Variants in NEB observed in about 807,000 individuals in gnomAD.
NEB encodes the protein nebulin.
NEB carries 512 observed loss-of-function variants against 952.2 expected under a neutral mutation model. That is an observed-to-expected ratio of 0.54 (90% CI 0.50 to 0.58). NEB has a LOEUF of 0.58. Ranked by LOEUF, NEB falls within the 20% of genes least tolerant of loss-of-function variation. The probability of loss-of-function intolerance (pLI) is 0.00; values close to 1 mark genes in which losing one functional copy is unlikely to be tolerated. For missense variants in NEB, 8,428 were observed against 9,231.1 expected (o/e 0.91, Z 3.56); for synonymous variants, 2,900 against 3,149.8 (o/e 0.92, Z 2.66).
rs2099314446 is a variant in NEB, at chr2:151,672,652, G to A, written c.4016C>T (p.Ser1339Leu). 1 of 1,613,720 alleles carries A rather than the reference G, an allele frequency of 6.2e-7. No homozygotes were observed. Among genetic ancestry groups the A allele is most frequent in the Non-Finnish European group, 8.5e-7 (1 of 1,179,744 alleles). ...DYKYKEAYEK[S>L]KGKHVGFRSL... is the part of the protein sequence containing the mutation. Reference sequence around the variant, plus strand: ...TCTGAAACCCACATGCTTTCCCTTTGACTTCTCATAAGCTTCCTTGTATTT... The same window carrying A: ...TCTGAAACCCACATGCTTTCCCTTTAACTTCTCATAAGCTTCCTTGTATTT... Residue 1339 changes from serine to leucine, a missense_variant, in exon 37 of 182, where the codon TCA becomes TTA. Coordinates refer to ENST00000397345, the MANE Select transcript of NEB (RefSeq NM_001164508.2).
At chr2:151,526,865 TG>T in intron 148 of NEB, 52 bp downstream of exon 148, 1 of 1,255,290 alleles carries the variant, frequency 8.0e-7, no homozygotes, top group South Asian at 1.3e-5. Context: ...GACTGTACCA[TG>T]GAAGATGGCC....
chr2:151,704,055 T>C (rs2099689318), intron 13 of NEB, among the ~76,000 whole-genome samples: 3 of 89,082 alleles, frequency 3.4e-5, no homozygotes, highest in African/African-American at 1.3e-4. Context: ...ATGTCCTTTC[T>C]GTTTGTTAGT....
intron 34 of NEB, among the ~76,000 whole-genome samples, chr2:151,677,316 T>C (rs1464126579): frequency 6.6e-6 from 1 of 152,176 alleles, no homozygotes; most frequent in African/African-American, 2.4e-5. Flanking sequence ...CCATGTCAAG[T>C]TTATTCAATA....
chr2:151,708,783 T>C (rs567345506), intron 12 of NEB, among the ~76,000 whole-genome samples: 1 of 152,300 alleles, frequency 6.6e-6, no homozygotes, highest in African/African-American at 2.4e-5. Context: ...AATTACCAAC[T>C]TCTTCCATAG....
Position 151,719,886 on chromosome 2 carries a change from CA to C in NEB, c.718-2367del, listed in dbSNP as rs34116466. The stretch of plus-strand genomic sequence containing the variant: ...TGGGTGAGAGAGTGAGACCCTGTCT[CA>C]AAAAAAAAAAAAAAAAAATACAAAC... On this transcript the variant is annotated intron_variant, in intron 9 of 181. Transcript: ENST00000397345. 6.6e-3 allele frequency among the ~76,000 whole-genome samples: 688 copies of C among 103,596 alleles called. 7 individuals carry two copies. The highest frequency in any genetic ancestry group is 0.024 in the African/African-American group (598 of 24,908). The allele number at this position is 103,596 out of a possible 152,430, so 68.0% of individuals were successfully genotyped here.
chr2:151,654,051 G>T lies in NEB; in HGVS notation c.6856C>A (p.Leu2286Ile). 3 of 1,611,668 alleles carry T rather than the reference G, an allele frequency of 1.9e-6. No individual in the cohort carries two copies. Among genetic ancestry groups the T allele is most frequent in the Non-Finnish European group, 2.5e-6 (3 of 1,178,720 alleles). Residue 2286 changes from leucine to isoleucine, a missense_variant, in exon 52 of 182, where the codon CTC becomes ATC. Physicochemically the swap from Leu to Ile is conservative, Grantham distance 5 (BLOSUM62 2). This residue lies in a region of NEB where 2,851 missense variants were observed against 2,791.5 expected (regional missense o/e 1.02). Transcript: ENST00000397345. ...WEEALKKGYD[L>I]PVDAISVQLA... ...TGTACAGAAATTGCATCAACTGGGA[G>T]ATCATAGCCTTTCTTCAAAGCTTCT...
At chr2:151,491,645 G>T in intron 179 of NEB, 38 bp downstream of exon 179, 2 of 1,443,434 alleles carry the variant, frequency 1.4e-6, no homozygotes, top group South Asian at 1.2e-5. Flanking sequence ...ATACTAAATG[G>T]TGATGTTTAT....
At chr2:151,698,976 G>A (rs1212346364) in intron 13 of NEB, among the ~76,000 whole-genome samples, 145 of 136,846 alleles carry the variant, frequency 1.1e-3, no homozygotes, top group African/African-American at 3.6e-3. Context: ...CCACTAACTC[G>A]TCATCTAGCA....
At position 151,628,347 on chromosome 2, in the gene NEB, C is replaced by T. The variant is rs115575948; in HGVS notation, c.9832-513G>A. ...GGGGCACTTGACTCCCTGAAGTGGT[C>T]TGGATTATATTCCCATACTACAAGC... On this transcript the variant is annotated intron_variant, in intron 68 of 181. Coordinates refer to ENST00000397345, the MANE Select transcript of NEB (RefSeq NM_001164508.2). 4.1e-3 allele frequency among the ~76,000 whole-genome samples: 626 copies of T among 152,272 alleles called. 2 individuals carry two copies. Among genetic ancestry groups the T allele is most frequent in the Middle Eastern group, 0.02 (6 of 294 alleles).
chr2:151,685,109 G>T, intron 27 of NEB, 134 bp from the exon 28 acceptor site: 1 of 901,534 alleles, frequency 1.1e-6, no homozygotes, highest in Non-Finnish European at 1.7e-6. Flanking sequence ...GCCCAAAAAT[G>T]TGTTCATATG....
chr2:151,564,511 A>C (rs910872425), intron 117 of NEB, among the ~76,000 whole-genome samples: 3 of 152,224 alleles, frequency 2.0e-5, no homozygotes, highest in African/African-American at 7.2e-5. Context: ...AGTGACAACA[A>C]ATTTGCACAC....
chr2:151,691,573 T>C (rs573926640), intron 23 of NEB, among the ~76,000 whole-genome samples: 2 of 152,306 alleles, frequency 1.3e-5, no homozygotes, highest in African/African-American at 4.8e-5. Flanking sequence ...TCACATAGAA[T>C]TTGTTAAATA....
Position 151,643,281 on chromosome 2 carries a change from T to C in NEB, c.8029A>G (p.Lys2677Glu). The change falls in exon 58 of 182, where the codon AAA becomes GAA. Residue 2677 changes from lysine (K) to glutamate (E), a missense_variant. Physicochemically the swap from Lys to Glu is moderately conservative, Grantham distance 56. Transcript: ENST00000397345. ...AAAATCTGGGTGGCTCGTTTATTTT[T>C]CTCATCCTCGAGAGAACCACTAGTC... ...WMTSGSLEDE[K>E]NKRATQILSD... 1 of 1,613,958 alleles carries C rather than the reference T, an allele frequency of 6.2e-7. No homozygotes were observed. Among genetic ancestry groups the C allele is most frequent in the Non-Finnish European group, 8.5e-7 (1 of 1,179,868 alleles).
intron 105 of NEB, among the ~76,000 whole-genome samples, chr2:151,578,614 C>T (rs1324058342): frequency 1.3e-5 from 2 of 148,930 alleles, no homozygotes; most frequent in East Asian, 4.0e-4. Flanking sequence ...TGAGCTGAGA[C>T]TCCAGCCAGG....
At chr2:151,507,971 T>G in intron 162 of NEB, 34 bp downstream of exon 162, 1 of 1,495,882 alleles carries the variant, frequency 6.7e-7, no homozygotes, top group South Asian at 1.2e-5. Flanking sequence ...CCTAGGTGCC[T>G]GTGGGCTGTG....
rs959917356 is a variant in NEB, at chr2:151,489,125, G to T, written c.25404+846C>A. On this transcript the variant is annotated intron_variant, in intron 181 of 181. Coordinates refer to ENST00000397345, the MANE Select transcript of NEB (RefSeq NM_001164508.2). ...TTTCAGGGAAAATTAGAACTTTACA[G>T]TATTCCCTTCCTTAAATATAATAGG... 3.3e-5 allele frequency among the ~76,000 whole-genome samples: 5 copies of T among 152,250 alleles called. No homozygotes were observed. In the South Asian group the frequency reaches 1.0e-3, roughly 32 times the overall value.
In NEB at chr2:151,620,345, GTGTATATATATATATATATATATATATA is replaced by G. The variant is rs1267715908; in HGVS notation, c.10560+546_10560+573del. ...TTTTATTATATATATATGTATGTGT[GTGTATATATATATATATATATATATATA>G]TATATATATATATATATATTTAACC... On this transcript the variant is annotated intron_variant, in intron 72 of 181. Transcript: ENST00000397345. Among the ~76,000 whole-genome samples the G allele has an allele frequency of 3.4e-3, 300 of 87,900 alleles. 4 individuals carry two copies. Among genetic ancestry groups the G allele is most frequent in the Non-Finnish European group, 3.7e-3 (173 of 46,388 alleles). The allele number at this position is 87,900 out of a possible 152,430, so 57.7% of individuals were successfully genotyped here. A position where few individuals can be genotyped will look rare whatever the true frequency, so the allele number is the denominator to read the frequency against.
At chr2:151,699,777 G>A in intron 13 of NEB, among the ~76,000 whole-genome samples, 1 of 145,582 alleles carries the variant, frequency 6.9e-6, no homozygotes, top group South Asian at 2.3e-4. Flanking sequence ...TTTGTCAGAT[G>A]AGTAGGTTGC....
chr2:151,536,615 C>A (rs1262478226), intron 141 of NEB, among the ~76,000 whole-genome samples: 1 of 151,988 alleles, frequency 6.6e-6, no homozygotes, highest in South Asian at 2.1e-4. Context: ...AAGAATATGC[C>A]CTAGAATGAA....
Sources: allele counts gnomAD v4.1 joint callset (sites outside exome capture counted in the v4.1 genomes callset), GRCh38; gene constraint gnomAD v4.1.1; regional missense constraint gnomAD v4.1.1; transcripts MANE v1.5; gene names NCBI Gene and HGNC (gene_info 2026-07-23, HGNC 2026-07-21).